Variants in FSTL4 observed in about 807,000 individuals in gnomAD.
FSTL4 encodes the protein follistatin like 4.
A neutral mutation model predicts 78.2 loss-of-function variants in FSTL4; 28 were observed. The ratio of observed to expected loss-of-function variants is 0.36; its 90% CI spans 0.27 to 0.49. The LOEUF (loss-of-function observed/expected upper bound fraction) is 0.49, where lower values mean the gene tolerates loss of function less well. Ranked by LOEUF, FSTL4 falls within the 20% of genes least tolerant of loss-of-function variation. The pLI is 0.98. For synonymous variants in FSTL4, 422 were observed against 440.5 expected, an observed-to-expected ratio of 0.96 and a Z score of 0.53; for missense variants, 922 against 1,084.9, an observed-to-expected ratio of 0.85 and a Z score of 2.11.
chr5:133,607,620 C>A (rs191084890), intron 1 of FSTL4, among the ~76,000 whole-genome samples: 74 of 152,336 alleles, frequency 4.9e-4, no homozygotes. Flanking sequence ...CTGCTGCCGC[C>A]TGTCTGTTTT....
intron 11 of FSTL4, among the ~76,000 whole-genome samples, chr5:133,221,599 G>A (rs942157175): frequency 3.3e-5 from 5 of 152,156 alleles, no homozygotes; most frequent in Non-Finnish European, 5.9e-5. Flanking sequence ...GAGGTCCAAG[G>A]AGGGAAAGGG....
chr5:133,238,955 G>A (rs958500568), intron 7 of FSTL4, among the ~76,000 whole-genome samples: 18 of 152,338 alleles, frequency 1.2e-4, no homozygotes, highest in Non-Finnish European at 2.5e-4. Context: ...TGGCCAAGGC[G>A]GGAACTGGCT....
chr5:133,288,036 C>A (rs1029403080), intron 6 of FSTL4, among the ~76,000 whole-genome samples: 1 of 152,248 alleles, frequency 6.6e-6, no homozygotes, highest in African/African-American at 2.4e-5. Flanking sequence ...GTCATCTCAT[C>A]TGTAAACTGG....
chr5:133,759,355 T>G, the FSTL4 span, among the ~76,000 whole-genome samples: 1 of 152,166 alleles, frequency 6.6e-6, no homozygotes, highest in Non-Finnish European at 1.5e-5. Flanking sequence ...AGTGAGAGCA[T>G]AACTTGGCAC....
intron 14 of FSTL4, among the ~76,000 whole-genome samples, chr5:133,204,007 C>T (rs1047220341): frequency 6.6e-6 from 1 of 152,166 alleles, no homozygotes; most frequent in Admixed American, 6.5e-5. Flanking sequence ...CATTTGCTGC[C>T]GTATGGGCTT....
the FSTL4 span, among the ~76,000 whole-genome samples, chr5:133,669,259 G>A: frequency 6.6e-6 from 1 of 152,188 alleles, no homozygotes; most frequent in African/African-American, 2.4e-5. Context: ...TCTTCCTGGT[G>A]AGCAGGTGGG....
At chr5:133,616,483 C>G (rs956551795), upstream of FSTL4, among the ~76,000 whole-genome samples, 1 of 152,034 alleles carries the variant, frequency 6.6e-6, no homozygotes, top group African/African-American at 2.4e-5. Flanking sequence ...CTCACTGTAG[C>G]CTCAACCTCC....
intron 4 of FSTL4, among the ~76,000 whole-genome samples, chr5:133,391,383 T>G (rs1016050114): frequency 6.6e-6 from 1 of 152,158 alleles, no homozygotes; most frequent in African/African-American, 2.4e-5. Flanking sequence ...CACATGGATC[T>G]GAGCACCTGA....
chr5:133,545,932 G>A (rs913103381), intron 3 of FSTL4, among the ~76,000 whole-genome samples: 2 of 152,232 alleles, frequency 1.3e-5, no homozygotes, highest in Non-Finnish European at 2.9e-5. Flanking sequence ...GAAGAACAAG[G>A]TATTGGAAAC....
At chr5:133,740,633 C>G in the FSTL4 span, among the ~76,000 whole-genome samples, 3 of 152,144 alleles carry the variant, frequency 2.0e-5, no homozygotes, top group Non-Finnish European at 4.4e-5. Context: ...TCATTCACCT[C>G]GATTTTCTCT....
At position 133,316,548 on chromosome 5, in the gene FSTL4, C is replaced by G; in HGVS notation, c.514G>C (p.Ala172Pro). 2 of 1,614,122 alleles carry G rather than the reference C, an allele frequency of 1.2e-6. No homozygotes were observed. ...LQEGDSRQDP[A>P]SQKRLLVESL... ...TCCACCAGGAGGCGCTTCTGGGAGG[C>G]AGGGTCTTGTCTGCTGTCTCCTTCT... Residue 172 changes from alanine to proline, a missense_variant, in exon 5 of 16, where the codon GCC becomes CCC. Physicochemically the swap from Ala to Pro is conservative, Grantham distance 27. Transcript: ENST00000265342.
the FSTL4 span, among the ~76,000 whole-genome samples, chr5:133,708,999 C>T: frequency 1.3e-5 from 2 of 152,180 alleles, no homozygotes; most frequent in South Asian, 4.1e-4. Context: ...ATAAATATCA[C>T]CTATTATGAC....
At chr5:133,300,870 T>C (rs770428950) in intron 6 of FSTL4, among the ~76,000 whole-genome samples, 1 of 151,878 alleles carries the variant, frequency 6.6e-6, no homozygotes, top group Non-Finnish European at 1.5e-5. Context: ...GGGACACCTG[T>C]TCTGAATAAC....
At chr5:133,495,832 G>A (rs1314606265) in intron 3 of FSTL4, among the ~76,000 whole-genome samples, 1 of 152,180 alleles carries the variant, frequency 6.6e-6, no homozygotes, top group African/African-American at 2.4e-5. Context: ...ATGTCCATAG[G>A]CCATGAAATC....
chr5:133,305,047 C>T (rs902006820), intron 6 of FSTL4, among the ~76,000 whole-genome samples: 9 of 152,322 alleles, frequency 5.9e-5, no homozygotes, highest in African/African-American at 2.2e-4. Flanking sequence ...GGACAGAGTC[C>T]AGACCCCAGA....
intron 4 of FSTL4, among the ~76,000 whole-genome samples, chr5:133,389,560 G>T (rs1210054718): frequency 6.6e-6 from 1 of 152,110 alleles, no homozygotes; most frequent in Non-Finnish European, 1.5e-5. Flanking sequence ...CTCCTCCTTT[G>T]TCTAGGGTAT....
intron 3 of FSTL4, among the ~76,000 whole-genome samples, chr5:133,430,534 A>G (rs1022608068): frequency 6.6e-6 from 1 of 152,222 alleles, no homozygotes; most frequent in Admixed American, 6.5e-5. Flanking sequence ...AGATGCACCC[A>G]TGAACTAGCA....
intron 4 of FSTL4, among the ~76,000 whole-genome samples, chr5:133,389,501 T>C (rs11738464): frequency 0.099 from 15,064 of 152,246 alleles, 1,012 homozygotes; most frequent in Non-Finnish European, 0.15. Flanking sequence ...GATGTGTCAC[T>C]GACCCTTTCT....
the FSTL4 span, among the ~76,000 whole-genome samples, chr5:133,715,437 G>A: frequency 6.6e-6 from 1 of 152,196 alleles, no homozygotes; most frequent in Non-Finnish European, 1.5e-5. Context: ...TTCTCATTTA[G>A]AGAGAACAAT....
Sources: gnomAD v4.1 joint callset for allele counts (sites outside exome capture counted in the v4.1 genomes callset) on GRCh38, gnomAD v4.1.1 for gene constraint, MANE v1.5 for transcripts, NCBI Gene and HGNC (gene_info 2026-07-23, HGNC 2026-07-21) for gene names.